Variants in STAC observed in about 807,000 individuals in gnomAD.
The protein encoded by STAC is SH3 and cysteine-rich domain-containing protein.
Under a neutral mutation model 48.8 loss-of-function variants are expected in STAC, and 43 were observed. That is an observed-to-expected ratio of 0.88 (90% CI 0.69 to 1.14). The LOEUF is 1.14. Among genes scored for constraint, STAC ranks in the 50% most tolerant of loss-of-function variants. The pLI, the probability that STAC is intolerant of heterozygous loss-of-function variation, is 0.00. For missense variants in STAC, 497 were observed against 504.0 expected (o/e 0.99, Z 0.13); for synonymous variants, 193 against 179.5 (o/e 1.07, Z -0.60).
intron 2 of STAC, among the ~76,000 whole-genome samples, chr3:36,464,210 T>A (rs1016018887): frequency 6.6e-6 from 1 of 152,212 alleles, no homozygotes; most frequent in Non-Finnish European, 1.5e-5. Flanking sequence ...TGATCGCCAT[T>A]CTAACTGGTG....
In STAC at chr3:36,430,467, G is replaced by A. The variant is rs76721200; in HGVS notation, c.112-12897G>A. On this transcript the variant is annotated intron_variant, in intron 1 of 10. Transcript: ENST00000273183. Reference sequence around the variant, plus strand: ...GAAGATGTCCCAGACAATACAGCACGGACAAGACAATCTGCCCAGGTTTCC... The same window carrying A: ...GAAGATGTCCCAGACAATACAGCACAGACAAGACAATCTGCCCAGGTTTCC... 1.1e-3 allele frequency among the ~76,000 whole-genome samples: 175 copies of A among 152,296 alleles called. 3 individuals carry two copies. The East Asian group carries it at 0.026, about 22-fold the overall frequency.
At chr3:36,454,366 T>G (rs949778261) in intron 2 of STAC, among the ~76,000 whole-genome samples, 1 of 151,672 alleles carries the variant, frequency 6.6e-6, no homozygotes, top group African/African-American at 2.4e-5. Flanking sequence ...CACGAACGTC[T>G]GCAGCTTCAC....
chr3:36,487,890 A>C (rs1697857962), intron 5 of STAC, among the ~76,000 whole-genome samples: 1 of 152,226 alleles, frequency 6.6e-6, no homozygotes, highest in Non-Finnish European at 1.5e-5. Context: ...TTTGGCATCC[A>C]CAAGATAATG....
chr3:36,534,395 A>T (rs1251526450), intron 10 of STAC, among the ~76,000 whole-genome samples: 1 of 152,208 alleles, frequency 6.6e-6, no homozygotes, highest in Non-Finnish European at 1.5e-5. Flanking sequence ...GGTTAATGCC[A>T]CCTAAACTTA....
intron 2 of STAC, among the ~76,000 whole-genome samples, chr3:36,446,742 T>C (rs1031446385): frequency 6.6e-6 from 1 of 152,008 alleles, no homozygotes; most frequent in Admixed American, 6.6e-5. Flanking sequence ...TTGCCAGATA[T>C]CTTGTTTCAA....
chr3:36,532,704 C>T (rs556405487), intron 10 of STAC, among the ~76,000 whole-genome samples: 39 of 152,322 alleles, frequency 2.6e-4, no homozygotes, highest in Admixed American at 4.6e-4. Flanking sequence ...AAAGTATATG[C>T]AAACCCCACA....
intron 8 of STAC, among the ~76,000 whole-genome samples, chr3:36,517,024 G>T (rs1448404841): frequency 6.6e-6 from 1 of 152,144 alleles, no homozygotes; most frequent in Non-Finnish European, 1.5e-5. Context: ...GCAAAAAGGG[G>T]CTGTGATATC....
intron 1 of STAC, among the ~76,000 whole-genome samples, chr3:36,410,521 CA>C (rs1381864910): frequency 6.6e-6 from 1 of 152,192 alleles, no homozygotes; most frequent in East Asian, 1.9e-4. Flanking sequence ...TTTGGGCAAA[CA>C]GCTCCCCAGG....
intron 10 of STAC, among the ~76,000 whole-genome samples, chr3:36,536,059 G>C (rs1454398204): frequency 6.6e-6 from 1 of 152,100 alleles, no homozygotes; most frequent in African/African-American, 2.4e-5. Flanking sequence ...GCTCCTTTTT[G>C]TACCTCTGGT....
chr3:36,505,783 A>G lies in STAC; in HGVS notation c.869A>G (p.Tyr290Cys). ...AAAGACCCATTACAGATGAACACCT[A>G]TGTTGCCTTGTACAAATTTGTACCA... The part of the protein sequence containing the change: ...LSKDPLQMNT[Y>C]VALYKFVPQE... The change falls in exon 8 of 11, where the codon TAT (tyrosine) becomes TGT (cysteine). Residue 290 changes from tyrosine to cysteine, a missense_variant. Physicochemically the swap from Tyr to Cys is radical, Grantham distance 194 (BLOSUM62 -2). Coordinates refer to ENST00000273183, the MANE Select transcript of STAC (RefSeq NM_003149.3). 1 of 1,608,902 alleles carries G rather than the reference A, an allele frequency of 6.2e-7. No individual in the cohort carries two copies. Among genetic ancestry groups the G allele is most frequent in the Non-Finnish European group, 8.5e-7 (1 of 1,178,328 alleles).
chr3:36,486,377 G>A, intron 5 of STAC, 128 bp downstream of exon 5: 1 of 724,644 alleles, frequency 1.4e-6, no homozygotes, highest in East Asian at 2.9e-5. Context: ...TCAGGCACCT[G>A]CCAAAGAGAA....
intron 2 of STAC, among the ~76,000 whole-genome samples, chr3:36,476,925 C>T (rs2125695489): frequency 6.6e-6 from 1 of 152,174 alleles, no homozygotes; most frequent in South Asian, 2.1e-4. Flanking sequence ...CGAGCCATGC[C>T]CCTGTACTGG....
chr3:36,433,674 TG>T (rs1700759832), intron 1 of STAC, among the ~76,000 whole-genome samples: 1 of 152,232 alleles, frequency 6.6e-6, no homozygotes, highest in Admixed American at 6.5e-5. Context: ...TAAAGTCTTT[TG>T]TATTTTCTCA....
rs143186688 is a variant in STAC at position 36,438,525 on chromosome 3, T to C, written c.112-4839T>C. Among the ~76,000 whole-genome samples the C allele has an allele frequency of 2.1e-3, 314 of 152,360 alleles. 2 individuals carry two copies. The highest frequency in any genetic ancestry group is 7.2e-3 in the African/African-American group (301 of 41,586). ...TTTAGGGATAATTAGAGAAAGCATG[T>C]TCCTTTGAGTTCATGTCTGGGGCTT... On this transcript the variant is annotated intron_variant, in intron 1 of 10. Coordinates refer to ENST00000273183, the MANE Select transcript of STAC (RefSeq NM_003149.3).
intron 1 of STAC, among the ~76,000 whole-genome samples, chr3:36,400,612 C>A (rs1337440032): frequency 2.0e-5 from 3 of 152,144 alleles, no homozygotes; most frequent in African/African-American, 7.2e-5. Context: ...ACCTAGAGGG[C>A]CAATTGAAAC....
Position 36,546,250 on chromosome 3 carries a change from G to A in STAC, c.1170G>A (p.Lys390=), listed in dbSNP as rs1483041951. The stretch of plus-strand genomic sequence containing the variant: ...TTATCAGAGTCCTCAGTGGAAAAAA[G>A]AAAGGCCTCATCCCCCTTGATGTAC... ...DGFIRVLSGK[K]KGLIPLDVLE... is the part of the protein sequence containing the mutation. The change falls in exon 11 of 11, where the codon AAG becomes AAA. Residue 390 remains lysine (K), a synonymous_variant. Transcript: ENST00000273183. 2.4e-5 allele frequency: 39 copies of A among 1,613,938 alleles called. No individual in the cohort carries two copies. The highest frequency in any genetic ancestry group is 3.3e-5 in the Non-Finnish European group (39 of 1,179,950).
intron 6 of STAC, among the ~76,000 whole-genome samples, chr3:36,494,327 G>GT (rs1197787239): frequency 6.6e-6 from 1 of 152,134 alleles, no homozygotes; most frequent in Non-Finnish European, 1.5e-5. Context: ...TAGCAAAAGT[G>GT]TATTAGTCAA....
At chr3:36,490,368 CTGTT>C (rs376808624) in intron 5 of STAC, among the ~76,000 whole-genome samples, 40 of 152,346 alleles carry the variant, frequency 2.6e-4, no homozygotes, top group African/African-American at 9.1e-4. Flanking sequence ...CAAGTCAAGA[CTGTT>C]TGTAGATGCC....
At chr3:36,412,151 G>A (rs934365529) in intron 1 of STAC, among the ~76,000 whole-genome samples, 2 of 152,160 alleles carry the variant, frequency 1.3e-5, no homozygotes, top group African/African-American at 4.8e-5. Context: ...GCAAAGTCAT[G>A]AAGATCTTCC....
Sources: gnomAD v4.1 joint callset for allele counts (sites outside exome capture counted in the v4.1 genomes callset) on GRCh38, gnomAD v4.1.1 for gene constraint, MANE v1.5 for transcripts, NCBI Gene and HGNC (gene_info 2026-07-23, HGNC 2026-07-21) for gene names.